ERP44: variants seen among roughly 807,000 people sequenced by gnomAD.
The protein encoded by ERP44 is endoplasmic reticulum resident protein 44.
A neutral mutation model predicts 53.4 loss-of-function variants in ERP44; 25 were observed. That is an observed-to-expected ratio of 0.47 (90% CI 0.34 to 0.65). ERP44 has a LOEUF of 0.65. Ranked by LOEUF, ERP44 falls within the 30% of genes least tolerant of loss-of-function variation. The pLI is 0.01. For missense variants in ERP44, 338 were observed against 493.2 expected, an observed-to-expected ratio of 0.69 and a Z score of 2.98; for synonymous variants, 145 against 161.2, an observed-to-expected ratio of 0.90 and a Z score of 0.76.
chr9:100,098,756 T>TC, intron 1 of ERP44, 28 bp downstream of exon 1: 1 of 1,605,518 alleles, frequency 6.2e-7, no homozygotes, highest in Non-Finnish European at 8.5e-7. Flanking sequence ...CGTGCGTTTG[T>TC]CGATGGGTCT....
At chr9:100,081,156 C>T (rs1321352429) in intron 1 of ERP44, among the ~76,000 whole-genome samples, 2 of 151,760 alleles carry the variant, frequency 1.3e-5, no homozygotes, top group African/African-American at 4.8e-5. Context: ...GAGTAAAACC[C>T]AACTCTATTC....
rs554300835 is a variant in ERP44 at position 100,069,257 on chromosome 9, C to G, written c.58-9085G>C. 2.8e-3 allele frequency among the ~76,000 whole-genome samples: 422 copies of G among 151,484 alleles called. 3 individuals carry two copies. Among genetic ancestry groups the G allele is most frequent in the African/African-American group, 9.6e-3 (397 of 41,240 alleles). On this transcript the variant is annotated intron_variant, in intron 1 of 11. Coordinates refer to ENST00000262455, the MANE Select transcript of ERP44 (RefSeq NM_015051.3). ...TTGTCCTATGACCCTGCCAAATCCC[C>G]CTCTGCGAGAAACACCCAAGAATGA...
intron 6 of ERP44, among the ~76,000 whole-genome samples, chr9:100,018,884 C>T (rs1587964454): frequency 6.6e-6 from 1 of 151,964 alleles, no homozygotes; most frequent in African/African-American, 2.4e-5. Context: ...GATTGATAAC[C>T]GTGGGAACAG....
intron 10 of ERP44, among the ~76,000 whole-genome samples, chr9:100,002,732 C>A (rs1830391264): frequency 6.6e-6 from 1 of 152,132 alleles, no homozygotes; most frequent in South Asian, 2.1e-4. Context: ...CTTTCATAAT[C>A]TTCTCTTGCT....
At chr9:100,021,891 A>C (rs566868406) in intron 5 of ERP44, 151 bp downstream of exon 5, 8 of 647,588 alleles carry the variant, frequency 1.2e-5, no homozygotes, top group Non-Finnish European at 2.1e-5. Context: ...TTGCCTTGAG[A>C]TTAATTCAAA....
chr9:100,027,337 A>G (rs879712253), intron 4 of ERP44, among the ~76,000 whole-genome samples: 2 of 152,258 alleles, frequency 1.3e-5, no homozygotes, highest in Admixed American at 6.5e-5. Flanking sequence ...TTCATTCTCA[A>G]ACAACATCCT....
rs1447637938 is a variant in ERP44 at position 99,981,073 on chromosome 9, A to G, written c.*1539T>C. 3.3e-5 allele frequency: 5 copies of G among 152,094 alleles called. No individual in the cohort carries two copies. Among genetic ancestry groups the G allele is most frequent in the Admixed American group, 2.6e-4 (4 of 15,272 alleles). 9.4% of individuals were successfully genotyped at this position (152,094 alleles called of 1,614,324 possible). A position where few individuals can be genotyped will look rare whatever the true frequency, so the allele number is the denominator to read the frequency against. On this transcript the variant is annotated 3_prime_UTR_variant, in exon 12 of 12. Transcript: ENST00000262455. The stretch of plus-strand genomic sequence containing the variant: ...AGATCTGGTCCATAATCTAACCTGA[A>G]GACCATAACTCTAACTTCATTTAAC...
chr9:100,061,671 T>C (rs2118719434), intron 1 of ERP44, among the ~76,000 whole-genome samples: 1 of 150,268 alleles, frequency 6.7e-6, no homozygotes, highest in African/African-American at 2.4e-5. Context: ...AGGATAACAC[T>C]GTCTTATTTT....
intron 1 of ERP44, among the ~76,000 whole-genome samples, chr9:100,072,780 C>T (rs563274565): frequency 1.3e-5 from 2 of 152,216 alleles, no homozygotes; most frequent in South Asian, 4.1e-4. Flanking sequence ...CTCTGCCTCT[C>T]GAAGTGCTGG....
Position 100,006,614 on chromosome 9 carries a change from T to C in ERP44, c.908A>G (p.Lys303Arg), listed in dbSNP as rs2118632356. The C allele has an allele frequency of 1.2e-6, 2 of 1,605,784 alleles. No individual in the cohort carries two copies. Among genetic ancestry groups the C allele is most frequent in the South Asian group, 1.1e-5 (1 of 88,750 alleles). Residue 303 changes from lysine (K) to arginine (R), a missense_variant, in exon 10 of 12, where the codon AAA becomes AGA. Lys to Arg is a conservative substitution (Grantham distance 26). Coordinates refer to ENST00000262455, the MANE Select transcript of ERP44 (RefSeq NM_015051.3). ...TATGTGCAGAAGAGGATGTCTAAAT[T>C]TGTCACAATCGGCATGTAAAAAGTT... ...TINFLHADCD[K>R]FRHPLLHIQK...
intron 6 of ERP44, among the ~76,000 whole-genome samples, chr9:100,019,293 C>T (rs948379932): frequency 6.6e-6 from 1 of 152,056 alleles, no homozygotes; most frequent in Non-Finnish European, 1.5e-5. Flanking sequence ...CCTATAATCC[C>T]AGCACTTTTG....
chr9:100,094,405 C>T (rs1826599005), intron 1 of ERP44, among the ~76,000 whole-genome samples: 1 of 152,210 alleles, frequency 6.6e-6, no homozygotes, highest in South Asian at 2.1e-4. Flanking sequence ...TGCCTGTAAT[C>T]CCAGCACTTT....
intron 4 of ERP44, among the ~76,000 whole-genome samples, chr9:100,031,902 G>A (rs996287173): frequency 5.9e-5 from 9 of 152,078 alleles, no homozygotes; most frequent in African/African-American, 1.9e-4. Context: ...GTTATCTGAC[G>A]TTTTTGACTT....
chr9:100,083,184 A>C (rs191110870), intron 1 of ERP44, among the ~76,000 whole-genome samples: 181 of 152,248 alleles, frequency 1.2e-3, no homozygotes, highest in Non-Finnish European at 2.0e-3. Context: ...AAAAAAGGTG[A>C]ACAAAGATGA....
rs533497015 is a variant in ERP44 at position 100,019,467 on chromosome 9, C to A, written c.587+1149G>T. ...TAAAGCAAGGACAAACAATAAAGGTCAAAAAATGGAGAGGATATATTGTGC... is the reference window on the plus strand; with the variant it reads ...TAAAGCAAGGACAAACAATAAAGGTAAAAAAATGGAGAGGATATATTGTGC... On this transcript the variant is annotated intron_variant, in intron 6 of 11. Coordinates refer to ENST00000262455, the MANE Select transcript of ERP44 (RefSeq NM_015051.3). Among the ~76,000 whole-genome samples the A allele has an allele frequency of 4.6e-5, 7 of 152,028 alleles. No individual in the cohort carries two copies. In the South Asian group the frequency reaches 8.3e-4, roughly 18 times the overall value.
At chr9:100,072,690 T>C (rs1005343284) in intron 1 of ERP44, among the ~76,000 whole-genome samples, 3 of 152,158 alleles carry the variant, frequency 2.0e-5, no homozygotes, top group Admixed American at 6.5e-5. Context: ...GTCTGGCTAA[T>C]TTTTTGTTTT....
At chr9:100,093,564 A>AC (rs1826586848) in intron 1 of ERP44, among the ~76,000 whole-genome samples, 1 of 152,032 alleles carries the variant, frequency 6.6e-6, no homozygotes, top group African/African-American at 2.4e-5. Flanking sequence ...GCATCACGTG[A>AC]CCTGGGAGGT....
intron 1 of ERP44, among the ~76,000 whole-genome samples, chr9:100,075,622 TA>T (rs1399198136): frequency 1.3e-5 from 2 of 152,198 alleles, no homozygotes; most frequent in African/African-American, 4.8e-5. Flanking sequence ...AAATCTGACT[TA>T]AATTTAGGGA....
At chr9:100,021,111 C>T (rs907151924) in intron 5 of ERP44, among the ~76,000 whole-genome samples, 1 of 152,174 alleles carries the variant, frequency 6.6e-6, no homozygotes, top group Non-Finnish European at 1.5e-5. Flanking sequence ...ACACTCCTAC[C>T]CATCTTACTG....
Sources: gnomAD v4.1 joint callset for allele counts (sites outside exome capture counted in the v4.1 genomes callset) on GRCh38, gnomAD v4.1.1 for gene constraint, MANE v1.5 for transcripts, NCBI Gene and HGNC (gene_info 2026-07-23, HGNC 2026-07-21) for gene names.